The following CISTR variants were observed in gnomAD, a reference collection of about 807,000 sequenced individuals.
CISTR encodes the protein chondrogenic regulator lncRNA.
chr12:53,754,961 T>C (rs1278325306), intron 1 of CISTR, among the ~76,000 whole-genome samples: 1 of 152,208 alleles, frequency 6.6e-6, no homozygotes, highest in Non-Finnish European at 1.5e-5. Flanking sequence ...TCTCCTGCCT[T>C]TGCACTCCTT....
At chr12:53,749,363 G>A (rs1201416041) in intron 2 of CISTR, among the ~76,000 whole-genome samples, 3 of 151,744 alleles carry the variant, frequency 2.0e-5, no homozygotes, top group African/African-American at 2.4e-5. Context: ...GCAGGAGGGC[G>A]AGAGGGGCAC....
In CISTR at chr12:53,756,218, T is replaced by C. The variant is rs369247519; in HGVS notation, n.414+596A>G. ...GGAGCCTTCCCTCCATGTACTCTTC[T>C]ACCATCCCCTTTTCTGGCTCTCGAG... On this transcript the variant is annotated intron_variant and non_coding_transcript_variant, in intron 1 of 2. Transcript: ENST00000669269. This position sits in a 1 kb window ranked among gnomAD's most constrained non-coding sequence, Gnocchi z 4.0. Among the ~76,000 whole-genome samples, 66 of 152,280 alleles carry C rather than the reference T, an allele frequency of 4.3e-4. 1 individual carries two copies. Among genetic ancestry groups the C allele is most frequent in the African/African-American group, 1.6e-3 (66 of 41,560 alleles).
At chr12:53,752,275 A>G (rs993605681) in intron 1 of CISTR, among the ~76,000 whole-genome samples, 4 of 152,090 alleles carry the variant, frequency 2.6e-5, no homozygotes, top group Admixed American at 1.3e-4. Flanking sequence ...CCCGCACCCT[A>G]CTAATTGGGG....
In CISTR at chr12:53,753,172, C is replaced by G. The variant is rs373587975; in HGVS notation, n.415-2207G>C. Among the ~76,000 whole-genome samples, 61 of 152,240 alleles carry G rather than the reference C, an allele frequency of 4.0e-4. 1 individual carries two copies. The highest frequency in any genetic ancestry group is 1.3e-3 in the African/African-American group (56 of 41,532). On this transcript the variant is annotated intron_variant and non_coding_transcript_variant, in intron 1 of 2. Transcript: ENST00000669269. The stretch of plus-strand genomic sequence containing the variant: ...TGGAATTCTGTCTCTGCTTCAGTTT[C>G]TTTCCCTAGTTCCCTCCTGACTCCT...
At chr12:53,747,071 T>C (rs919740399) in intron 2 of CISTR, among the ~76,000 whole-genome samples, 6 of 152,198 alleles carry the variant, frequency 3.9e-5, no homozygotes, top group African/African-American at 1.4e-4. Flanking sequence ...CAATTTCTCT[T>C]CTTCCTCTTT....
At chr12:53,753,056 A>T (rs955494281) in intron 1 of CISTR, among the ~76,000 whole-genome samples, 45 of 117,160 alleles carry the variant, frequency 3.8e-4, no homozygotes, top group Admixed American at 2.1e-3. Context: ...TATACATCAC[A>T]CACACACACA....
chr12:53,747,526 G>T (rs927378981), intron 2 of CISTR, among the ~76,000 whole-genome samples: 21 of 152,130 alleles, frequency 1.4e-4, no homozygotes, highest in Middle Eastern at 3.2e-3. Flanking sequence ...AGTCGTGGTT[G>T]GAATGACTGG....
chr12:53,753,104 G>A (rs929286789), intron 1 of CISTR, among the ~76,000 whole-genome samples: 11 of 133,114 alleles, frequency 8.3e-5, no homozygotes, highest in South Asian at 4.9e-4. Flanking sequence ...AGAGACACAC[G>A]TGTCCTTTGA....
intron 1 of CISTR, among the ~76,000 whole-genome samples, chr12:53,753,665 G>GGGGT (rs1394699395): frequency 2.8e-4 from 39 of 141,314 alleles, no homozygotes; most frequent in Non-Finnish European, 4.0e-4. Flanking sequence ...AATGCATAGG[G>GGGGT]GTGTGTGTGT....
At chr12:53,748,924 G>T (rs1937813876) in intron 2 of CISTR, among the ~76,000 whole-genome samples, 1 of 152,102 alleles carries the variant, frequency 6.6e-6, no homozygotes, top group African/African-American at 2.4e-5. Flanking sequence ...GCCTTCCAGG[G>T]CCTGGGACTC....
intron 1 of CISTR, among the ~76,000 whole-genome samples, chr12:53,755,633 C>T (rs1286027397): frequency 6.6e-6 from 1 of 152,080 alleles, no homozygotes; most frequent in Non-Finnish European, 1.5e-5. Flanking sequence ...ACTTTATTAA[C>T]CTCTTAAGTG....
intron 1 of CISTR, among the ~76,000 whole-genome samples, chr12:53,755,033 G>T (rs978179327): frequency 1.3e-5 from 2 of 152,216 alleles, no homozygotes; most frequent in Non-Finnish European, 2.9e-5. Context: ...GTGCAGAGAG[G>T]TTAAGATAAA....
At chr12:53,754,624 G>A (rs1937895540) in intron 1 of CISTR, 1 of 152,232 alleles carries the variant, frequency 6.6e-6, no homozygotes, top group Non-Finnish European at 1.5e-5. Context: ...AAAAAGAACT[G>A]TGTACAGTTG....
chr12:53,753,665 G>GTGT (rs1555168386), intron 1 of CISTR, among the ~76,000 whole-genome samples: 3 of 141,224 alleles, frequency 2.1e-5, no homozygotes, highest in African/African-American at 8.0e-5. Context: ...AATGCATAGG[G>GTGT]GTGTGTGTGT....
At chr12:53,748,880 G>T (rs1937812240) in intron 2 of CISTR, among the ~76,000 whole-genome samples, 1 of 152,178 alleles carries the variant, frequency 6.6e-6, no homozygotes, top group African/African-American at 2.4e-5. Context: ...GTTGCAGGGG[G>T]TGAGATGGGG....
At chr12:53,753,614 A>G (rs1937881976) in intron 1 of CISTR, among the ~76,000 whole-genome samples, 2 of 151,228 alleles carry the variant, frequency 1.3e-5, no homozygotes, top group African/African-American at 2.4e-5. Flanking sequence ...ATCTTGGGGT[A>G]AGGGATGGCT....
rs551134580 is a variant in CISTR at position 53,751,515 on chromosome 12, A to G, written n.415-550T>C. Reference sequence around the variant, plus strand: ...GGTGGAACGTTTTAATTAGGCCTGAACAATAAACAAGCTAAACGAGGCGCG... The same window carrying G: ...GGTGGAACGTTTTAATTAGGCCTGAGCAATAAACAAGCTAAACGAGGCGCG... On this transcript the variant is annotated intron_variant and non_coding_transcript_variant, in intron 1 of 2. Transcript: ENST00000669269. This position sits in a 1 kb window ranked among gnomAD's most constrained non-coding sequence, Gnocchi z 4.6. Among the ~76,000 whole-genome samples, 201 of 152,202 alleles carry G rather than the reference A, an allele frequency of 1.3e-3. No homozygotes were observed. Among genetic ancestry groups the G allele is most frequent in the African/African-American group, 4.6e-3 (191 of 41,538 alleles).
At chr12:53,748,233 C>A (rs561338292) in intron 2 of CISTR, among the ~76,000 whole-genome samples, 1 of 152,220 alleles carries the variant, frequency 6.6e-6, no homozygotes, top group African/African-American at 2.4e-5. Context: ...GGCTGCACCG[C>A]GGGCCGTCAA....
intron 1 of CISTR, among the ~76,000 whole-genome samples, chr12:53,753,003 A>G (rs1593110871): frequency 6.6e-6 from 1 of 151,222 alleles, no homozygotes; most frequent in Non-Finnish European, 1.5e-5. Context: ...CAAGGCAGGA[A>G]CCAGACTCCT....
Sources: allele counts gnomAD v4.1 joint callset (sites outside exome capture counted in the v4.1 genomes callset), GRCh38; gene constraint gnomAD v4.1.1; non-coding constraint Gnocchi (gnomAD v3.1); transcripts MANE v1.5; gene names NCBI Gene and HGNC (gene_info 2026-07-23, HGNC 2026-07-21).